KCNH1: variants seen among roughly 807,000 people sequenced by gnomAD.
The protein encoded by KCNH1 is potassium voltage-gated channel subfamily H member 1, also known as voltage-gated delayed rectifier potassium channel KCNH1.
In KCNH1, 27 loss-of-function variants were observed where a neutral mutation model predicts 69.2. The observed-to-expected ratio is 0.39, with a 90% CI of 0.29 to 0.54. The LOEUF is 0.54. Among genes scored for constraint, KCNH1 ranks in the 20% least tolerant of loss-of-function variants. The probability of loss-of-function intolerance (pLI) is 0.68; values close to 1 mark genes in which losing one functional copy is unlikely to be tolerated. For synonymous variants in KCNH1, 456 were observed against 487.7 expected, an observed-to-expected ratio of 0.93 and a Z score of 0.86; for missense variants, 798 against 1,261.6, an observed-to-expected ratio of 0.63 and a Z score of 5.57.
At chr1:210,801,058 T>C (rs1312795140) in intron 8 of KCNH1, among the ~76,000 whole-genome samples, 1 of 152,214 alleles carries the variant, frequency 6.6e-6, no homozygotes, top group East Asian at 1.9e-4. Context: ...TCAATGCCTG[T>C]GAGCTCTCAT....
intron 5 of KCNH1, among the ~76,000 whole-genome samples, chr1:211,067,723 C>G (rs1212197441): frequency 6.6e-6 from 1 of 152,166 alleles, no homozygotes; most frequent in East Asian, 1.9e-4. Context: ...AAAGCCTGGT[C>G]GCCCTCATAT....
intron 7 of KCNH1, among the ~76,000 whole-genome samples, chr1:210,853,204 TCA>T (rs761076174): frequency 2.6e-5 from 4 of 152,150 alleles, no homozygotes; most frequent in Admixed American, 2.0e-4. Flanking sequence ...TTTTTGAGTC[TCA>T]GTTTCTTTTT....
intron 10 of KCNH1, among the ~76,000 whole-genome samples, chr1:210,722,783 G>C (rs968539127): frequency 6.6e-6 from 1 of 152,186 alleles, no homozygotes; most frequent in Non-Finnish European, 1.5e-5. Context: ...ATCAAGTCTA[G>C]TAAAATACAG....
chr1:210,910,651 G>A lies in KCNH1; in HGVS notation c.1462+8989C>T, dbSNP rs141789935. On this transcript the variant is annotated intron_variant, in intron 7 of 10. Transcript: ENST00000271751. ...TGCATTCTGCCTTCACCATTCACAA[G>A]AAGGTTGACCGAAGGCAAGAGAATT... is the stretch of plus-strand genomic sequence containing the variant. 1.2e-4 allele frequency among the ~76,000 whole-genome samples: 18 copies of A among 152,368 alleles called. 1 individual carries two copies. The East Asian group carries it at 3.3e-3, about 28-fold the overall frequency.
intron 7 of KCNH1, among the ~76,000 whole-genome samples, chr1:210,830,247 C>A (rs746740061): frequency 1.8e-4 from 27 of 152,204 alleles, no homozygotes; most frequent in Non-Finnish European, 3.8e-4. Flanking sequence ...CATCCGTTAA[C>A]TTCGTTCAAG....
intron 5 of KCNH1, among the ~76,000 whole-genome samples, chr1:211,041,296 TCTCA>T (rs752689549): frequency 1.2e-4 from 19 of 152,160 alleles, no homozygotes; most frequent in Non-Finnish European, 2.2e-4. Flanking sequence ...AGTTCTTCCT[TCTCA>T]CTCTCCTTGC....
At chr1:211,058,858 A>G (rs1319412901) in intron 5 of KCNH1, among the ~76,000 whole-genome samples, 1 of 152,240 alleles carries the variant, frequency 6.6e-6, no homozygotes, top group African/African-American at 2.4e-5. Flanking sequence ...CTTCACCTAG[A>G]AGGACACACA....
At chr1:210,714,521 G>A (rs1682172618) in intron 10 of KCNH1, among the ~76,000 whole-genome samples, 1 of 152,084 alleles carries the variant, frequency 6.6e-6, no homozygotes, top group Non-Finnish European at 1.5e-5. Context: ...TGAACACAAC[G>A]GTACGTGCAA....
chr1:211,008,904 T>C (rs1689338473), intron 6 of KCNH1, among the ~76,000 whole-genome samples: 1 of 152,206 alleles, frequency 6.6e-6, no homozygotes, highest in Admixed American at 6.5e-5. Context: ...ATTAGTGCTA[T>C]GAAAACAGTA....
intron 10 of KCNH1, among the ~76,000 whole-genome samples, chr1:210,740,368 T>C (rs1267733541): frequency 6.6e-6 from 1 of 152,174 alleles, no homozygotes; most frequent in East Asian, 1.9e-4. Context: ...ACTTTTACCT[T>C]CTAACAATGG....
chr1:210,769,602 C>G (rs1683710475), intron 10 of KCNH1, among the ~76,000 whole-genome samples: 1 of 152,184 alleles, frequency 6.6e-6, no homozygotes, highest in South Asian at 2.1e-4. Context: ...GCCCTACACA[C>G]AGAATGAGAA....
At chr1:210,762,127 T>C (rs1482177106) in intron 10 of KCNH1, among the ~76,000 whole-genome samples, 1 of 152,076 alleles carries the variant, frequency 6.6e-6, no homozygotes, top group Non-Finnish European at 1.5e-5. Context: ...TGAATGACTT[T>C]TAGGTAAAAA....
chr1:210,986,132 C>T (rs1166169653), intron 6 of KCNH1, among the ~76,000 whole-genome samples: 1 of 152,134 alleles, frequency 6.6e-6, no homozygotes, highest in African/African-American at 2.4e-5. Flanking sequence ...TCTCCATTTG[C>T]TTAGTAGATC....
At chr1:211,092,812 C>T (rs752188637) in intron 3 of KCNH1, among the ~76,000 whole-genome samples, 1 of 146,346 alleles carries the variant, frequency 6.8e-6, no homozygotes, top group African/African-American at 2.5e-5. Context: ...CAAAAACACA[C>T]AAATCAAAAA....
intron 10 of KCNH1, among the ~76,000 whole-genome samples, chr1:210,751,969 A>T (rs1683293319): frequency 6.6e-6 from 1 of 152,128 alleles, no homozygotes; most frequent in African/African-American, 2.4e-5. Flanking sequence ...CTGCAAGCAG[A>T]AAACAGAATC....
intron 3 of KCNH1, among the ~76,000 whole-genome samples, chr1:211,102,522 T>C (rs1049422119): frequency 6.6e-6 from 1 of 152,166 alleles, no homozygotes; most frequent in African/African-American, 2.4e-5. Flanking sequence ...AACAACCCTC[T>C]TGGGCTTGTG....
intron 6 of KCNH1, among the ~76,000 whole-genome samples, chr1:210,958,316 A>C (rs951382400): frequency 2.0e-5 from 3 of 152,098 alleles, no homozygotes; most frequent in Non-Finnish European, 4.4e-5. Flanking sequence ...GGGTAACTTG[A>C]CCTTTCACTC....
chr1:210,752,474 T>C (rs567853878), intron 10 of KCNH1, among the ~76,000 whole-genome samples: 12 of 152,356 alleles, frequency 7.9e-5, no homozygotes, highest in African/African-American at 2.4e-4. Flanking sequence ...AGGAAGCTGA[T>C]ATTTTACTCT....
chr1:210,692,118 T>C (rs1681540659), intron 10 of KCNH1, among the ~76,000 whole-genome samples: 1 of 152,206 alleles, frequency 6.6e-6, no homozygotes, highest in Non-Finnish European at 1.5e-5. Context: ...TGCACTTTCT[T>C]CTGGCGTTAA....
Sources: gnomAD v4.1 joint callset for allele counts (sites outside exome capture counted in the v4.1 genomes callset) on GRCh38, gnomAD v4.1.1 for gene constraint, MANE v1.5 for transcripts, NCBI Gene and HGNC (gene_info 2026-07-23, HGNC 2026-07-21) for gene names.